The following MTA3 variants were observed in gnomAD, a reference collection of about 807,000 sequenced individuals.
MTA3 encodes the protein metastasis associated 1 family member 3.
Under a neutral mutation model 83.5 loss-of-function variants are expected in MTA3, and 34 were observed. That is an observed-to-expected ratio of 0.41 (90% CI 0.31 to 0.54). The LOEUF (loss-of-function observed/expected upper bound fraction) is 0.54. Ranked by LOEUF, MTA3 falls within the 20% of genes least tolerant of loss-of-function variation. The pLI, the probability that MTA3 is intolerant of heterozygous loss-of-function variation, is 0.33. For missense variants in MTA3, 761 were observed against 726.4 expected, an observed-to-expected ratio of 1.05 and a Z score of -0.55; for synonymous variants, 303 against 252.7, an observed-to-expected ratio of 1.20 and a Z score of -1.89.
chr2:42,566,522 A>G (rs1444308929), upstream of MTA3, among the ~76,000 whole-genome samples: 3 of 152,114 alleles, frequency 2.0e-5, no homozygotes, highest in Admixed American at 1.3e-4. Flanking sequence ...TGCCACCATC[A>G]TTACCTCCTG....
Position 42,751,805 on chromosome 2 carries a change from A to G in MTA3, c.1760-1569A>G, listed in dbSNP as rs150400097. On this transcript the variant is annotated intron_variant, in intron 16 of 16. Coordinates refer to ENST00000405094, the MANE Select transcript of MTA3 (RefSeq NM_001330442.2). ...ATTCCATAAGGGTTTAGACAGATGA[A>G]TGACAGAGCTCCTGCTCCACTAAAT... Among the ~76,000 whole-genome samples, 573 of 152,302 alleles carry G rather than the reference A, an allele frequency of 3.8e-3. 7 individuals are homozygous for G. Among genetic ancestry groups the G allele is most frequent in the African/African-American group, 0.013 (527 of 41,554 alleles).
intron 2 of MTA3, among the ~76,000 whole-genome samples, chr2:42,512,758 G>C (rs146026446): frequency 6.6e-6 from 1 of 152,138 alleles, no homozygotes. Flanking sequence ...CTGTACCAGT[G>C]GTCTACCTCA....
intron 2 of MTA3, among the ~76,000 whole-genome samples, chr2:42,556,266 G>T (rs574977151): frequency 2.0e-5 from 3 of 152,184 alleles, no homozygotes; most frequent in Non-Finnish European, 4.4e-5. Flanking sequence ...AAAGCCTATA[G>T]ATCTGCTCCA....
At position 42,756,550 on chromosome 2, in the gene MTA3, CG is replaced by C. The variant is rs1670249506; in HGVS notation, c.*3152del. 1.0e-5 allele frequency: 10 copies of C among 985,722 alleles called. No homozygotes were observed. Among genetic ancestry groups the C allele is most frequent in the Non-Finnish European group, 1.2e-5 (10 of 830,198 alleles). The allele number at this position is 985,722 out of a possible 1,614,324, so 61.1% of individuals were successfully genotyped here. ...CCCCACTGCTGTCCTAAGTCCCTGGCGAGGGGAGGTGGAGGAGCTGCCCCGT... is the reference window on the plus strand; with the variant it reads ...CCCCACTGCTGTCCTAAGTCCCTGGCAGGGGAGGTGGAGGAGCTGCCCCGT... On this transcript the variant is annotated 3_prime_UTR_variant, in exon 17 of 17. Coordinates refer to ENST00000405094, the MANE Select transcript of MTA3 (RefSeq NM_001330442.2).
At chr2:42,543,876 G>C (rs879440112) in intron 2 of MTA3, among the ~76,000 whole-genome samples, 1 of 151,788 alleles carries the variant, frequency 6.6e-6, no homozygotes, top group Non-Finnish European at 1.5e-5. Flanking sequence ...TTTAATTAGA[G>C]ACAGGGGTCT....
intron 4 of MTA3, among the ~76,000 whole-genome samples, chr2:42,638,263 G>C (rs1431487381): frequency 2.6e-5 from 4 of 152,082 alleles, no homozygotes; most frequent in Non-Finnish European, 5.9e-5. Flanking sequence ...TAAGCATATT[G>C]CATGTGTGAG....
At chr2:42,636,668 C>G (rs1178577512) in intron 4 of MTA3, among the ~76,000 whole-genome samples, 1 of 147,042 alleles carries the variant, frequency 6.8e-6, no homozygotes, top group African/African-American at 2.5e-5. Context: ...CGCCCTGTCA[C>G]CAGGCTGGAG....
chr2:42,510,834 C>CA (rs1674866636), intron 2 of MTA3, among the ~76,000 whole-genome samples: 1 of 152,158 alleles, frequency 6.6e-6, no homozygotes, highest in South Asian at 2.1e-4. Context: ...ACCCTTATCA[C>CA]ATCACAGGAC....
At chr2:42,747,343 C>T (rs1288801647) in intron 16 of MTA3, among the ~76,000 whole-genome samples, 1 of 152,096 alleles carries the variant, frequency 6.6e-6, no homozygotes, top group Non-Finnish European at 1.5e-5. Flanking sequence ...GCATTCATTC[C>T]TCCTGGGGGC....
intron 4 of MTA3, among the ~76,000 whole-genome samples, chr2:42,635,123 A>G (rs554141536): frequency 7.9e-5 from 12 of 152,164 alleles, no homozygotes; most frequent in Non-Finnish European, 1.2e-4. Context: ...CACTTCTCTC[A>G]GAATTTTGAA....
rs541744183 is a variant in MTA3, at chr2:42,753,637, G to C, written c.*238G>C. On this transcript the variant is annotated 3_prime_UTR_variant, in exon 17 of 17. Transcript: ENST00000405094. ...TTCTTGTCAGAGACCTCGCTGTTAC[G>C]GAGCGAGACCTGCTGAGAATTGAGG... 1 of 1,338,358 alleles carries C rather than the reference G, an allele frequency of 7.5e-7. No homozygotes were observed. Among genetic ancestry groups the C allele is most frequent in the Non-Finnish European group, 9.6e-7 (1 of 1,041,008 alleles). The allele number at this position is 1,338,358 out of a possible 1,614,324, so 82.9% of individuals were successfully genotyped here. A position where few individuals can be genotyped will look rare whatever the true frequency, so the allele number is the denominator to read the frequency against.
chr2:42,574,852 A>G (rs896594763), intron 2 of MTA3, among the ~76,000 whole-genome samples: 2 of 152,192 alleles, frequency 1.3e-5, no homozygotes, highest in East Asian at 1.9e-4. Flanking sequence ...CTGCCTTTGC[A>G]TTAAAAAAAA....
intron 4 of MTA3, among the ~76,000 whole-genome samples, chr2:42,623,390 C>T (rs1030721121): frequency 6.6e-5 from 10 of 152,158 alleles, no homozygotes; most frequent in African/African-American, 2.4e-4. Context: ...CCTGTCCAGC[C>T]TTCCCCTCCT....
chr2:42,499,510 AG>A (rs1306883652), intron 2 of MTA3, among the ~76,000 whole-genome samples: 1 of 150,930 alleles, frequency 6.6e-6, no homozygotes, highest in Non-Finnish European at 1.5e-5. Context: ...AAAAAGGAAT[AG>A]TGGGACATGA....
intron 15 of MTA3, 115 bp downstream of exon 15, chr2:42,719,189 T>C (rs1667236055): frequency 2.8e-6 from 2 of 712,466 alleles, no homozygotes; most frequent in Non-Finnish European, 4.8e-6. Context: ...ATAGCCGAAA[T>C]TGGATACCTT....
intron 5 of MTA3, among the ~76,000 whole-genome samples, chr2:42,640,674 A>G (rs149019291): frequency 3.3e-5 from 5 of 152,312 alleles, no homozygotes; most frequent in South Asian, 4.1e-4. Context: ...TCAGTTAAAA[A>G]TATTTTTCAC....
At chr2:42,605,642 G>A (rs1266588423) in intron 3 of MTA3, among the ~76,000 whole-genome samples, 1 of 111,808 alleles carries the variant, frequency 8.9e-6, no homozygotes, top group Non-Finnish European at 1.9e-5. Context: ...CCTCCCGGAC[G>A]GGGCGGCTGG....
intron 6 of MTA3, among the ~76,000 whole-genome samples, chr2:42,648,734 G>A (rs1212117798): frequency 6.6e-6 from 1 of 152,052 alleles, no homozygotes; most frequent in Non-Finnish European, 1.5e-5. Context: ...TTCCATAAAA[G>A]AGAAGTTTTG....
At chr2:42,665,368 G>A (rs1351455553) in intron 8 of MTA3, among the ~76,000 whole-genome samples, 1 of 150,334 alleles carries the variant, frequency 6.7e-6, no homozygotes, top group Admixed American at 6.7e-5. Context: ...CTTCAGCCTG[G>A]GTGACAGAGC....
Sources: allele counts gnomAD v4.1 joint callset (sites outside exome capture counted in the v4.1 genomes callset), GRCh38; gene constraint gnomAD v4.1.1; transcripts MANE v1.5; gene names NCBI Gene and HGNC (gene_info 2026-07-23, HGNC 2026-07-21).